The following ZNF189 variants were observed in gnomAD, a reference collection of about 807,000 sequenced individuals.
The protein encoded by ZNF189 is zinc finger protein 189.
Under a neutral mutation model 53.5 loss-of-function variants are expected in ZNF189, and 33 were observed. That is an observed-to-expected ratio of 0.62 (90% CI 0.47 to 0.82). The LOEUF (loss-of-function observed/expected upper bound fraction) is 0.82, where lower values mean the gene tolerates loss of function less well. ZNF189 is among the 40% of genes least tolerant of loss of function. The probability of loss-of-function intolerance (pLI) is 0.00; values close to 1 mark genes in which losing one functional copy is unlikely to be tolerated. For synonymous variants in ZNF189, 247 were observed against 238.8 expected (o/e 1.03, Z -0.32); for missense variants, 711 against 753.9 (o/e 0.94, Z 0.67).
chr9:101,401,202 T>C (rs1830518399), intron 2 of ZNF189, among the ~76,000 whole-genome samples: 1 of 152,214 alleles, frequency 6.6e-6, no homozygotes, highest in Non-Finnish European at 1.5e-5. Flanking sequence ...TTTCTTCCAC[T>C]CTCCACTGGG....
chr9:101,399,872 A>G lies in ZNF189; in HGVS notation c.34-12A>G. 1 of 1,614,060 alleles carries G rather than the reference A, an allele frequency of 6.2e-7. No individual in the cohort carries two copies. The highest frequency in any genetic ancestry group is 8.5e-7 in the Non-Finnish European group (1 of 1,179,984). On this transcript the variant is annotated splice_polypyrimidine_tract_variant and intron_variant, in intron 1 of 2. Coordinates refer to ENST00000339664, the MANE Select transcript of ZNF189 (RefSeq NM_003452.4). ...ACAACAGGAACTGACTACAGAAATC[A>G]TACTATTTCAGGGGTTGCTGACATT...
chr9:101,404,912 A>G (rs1288682732), intron 2 of ZNF189, among the ~76,000 whole-genome samples: 3 of 152,272 alleles, frequency 2.0e-5, no homozygotes. Flanking sequence ...AAAAAAATAG[A>G]ACACCTGAAT....
chr9:101,407,895 G>A, intron 2 of ZNF189, 34 bp from the exon 3 acceptor site: 1 of 1,483,346 alleles, frequency 6.7e-7, no homozygotes, highest in Non-Finnish European at 8.9e-7. Context: ...CAAAGACCTT[G>A]GTTGATCTTT....
At position 101,399,190 on chromosome 9, in the gene ZNF189, G is replaced by C; in HGVS notation, c.33+1G>C. 6.3e-7 allele frequency: 1 copy of C among 1,593,270 alleles called. No individual in the cohort carries two copies. Among genetic ancestry groups the C allele is most frequent in the Non-Finnish European group, 8.6e-7 (1 of 1,163,260 alleles). On this transcript the variant is annotated splice_donor_variant, in intron 1 of 2. Transcript: ENST00000339664. LOFTEE classifies it high-confidence loss of function. ...CCCGAGCCCCCCGCCGGAGTCGAAG[G>C]TAAGTAAGCACCCCCCCGGGGATCC...
At chr9:101,400,299 G>A (rs56319160) in intron 2 of ZNF189, among the ~76,000 whole-genome samples, 4,842 of 152,060 alleles carry the variant, frequency 0.032, 267 homozygotes, top group African/African-American at 0.11. Flanking sequence ...TTCACTCTGC[G>A]TTCTGGAACC....
Position 101,404,784 on chromosome 9 carries a change from C to T in ZNF189, c.161-3145C>T, listed in dbSNP as rs377220480. On this transcript the variant is annotated intron_variant, in intron 2 of 2. Coordinates refer to ENST00000339664, the MANE Select transcript of ZNF189 (RefSeq NM_003452.4). ...CAACTAACATAACTGAACAAATATT[C>T]TGAAGAGACTGCCTTCTCACAAAGA... Among the ~76,000 whole-genome samples, 12 of 152,126 alleles carry T rather than the reference C, an allele frequency of 7.9e-5. No homozygotes were observed. In the East Asian group the frequency reaches 2.3e-3, roughly 29 times the overall value.
chr9:101,399,127 C>A lies in ZNF189; in HGVS notation c.-30C>A. The A allele has an allele frequency of 6.4e-7, 1 of 1,564,002 alleles. No individual in the cohort carries two copies. Among genetic ancestry groups the A allele is most frequent in the Non-Finnish European group, 8.8e-7 (1 of 1,135,550 alleles). On this transcript the variant is annotated 5_prime_UTR_variant, in exon 1 of 3. Coordinates refer to ENST00000339664, the MANE Select transcript of ZNF189 (RefSeq NM_003452.4). ...AGGCTCCTTTCCGTGAGGCCGCCCC[C>A]AATTCCTGCCCCTATTCTCTGCCTG...
Position 101,408,821 on chromosome 9 carries a change from A to G in ZNF189, c.1053A>G (p.Lys351=). Residue 351 remains lysine, a synonymous_variant, in exon 3 of 3, where the codon AAA becomes AAG. Coordinates refer to ENST00000339664, the MANE Select transcript of ZNF189 (RefSeq NM_003452.4). The part of the protein sequence containing the change: ...EKPFLCIECG[K]SFSRSSFLIE... The stretch of plus-strand genomic sequence containing the variant: ...CTTTTCTTTGTATTGAGTGTGGAAA[A>G]AGTTTCAGTCGGAGCTCATTCCTTA... 1 of 1,614,136 alleles carries G rather than the reference A, an allele frequency of 6.2e-7. No homozygotes were observed. The highest frequency in any genetic ancestry group is 8.5e-7 in the Non-Finnish European group (1 of 1,180,026).
intron 2 of ZNF189, among the ~76,000 whole-genome samples, chr9:101,404,189 C>T (rs1830633793): frequency 6.6e-6 from 1 of 152,182 alleles, no homozygotes; most frequent in Non-Finnish European, 1.5e-5. Context: ...TTTTTTTCAC[C>T]TGCCTATCCT....
Position 101,409,645 on chromosome 9 carries a change from A to G in ZNF189, c.1877A>G (p.Gln626Arg). Residue 626 changes from glutamine to arginine, a missense_variant, in exon 3 of 3, where the codon CAA becomes CGA. Physicochemically the swap from Gln to Arg is conservative, Grantham distance 43. Transcript: ENST00000339664. The part of the protein sequence containing the change: ...QHQKLHTAWM[Q>R] ...CAGAAATTGCACACAGCATGGATGC[A>G]ATAAATGTAGAGCAATACATAAGCT... The G allele has an allele frequency of 1.9e-6, 3 of 1,603,086 alleles. No homozygotes were observed. The highest frequency in any genetic ancestry group is 2.2e-5 in the East Asian group (1 of 44,844).
Position 101,401,964 on chromosome 9 carries a change from G to A in ZNF189, c.160+1954G>A, listed in dbSNP as rs574237962. On this transcript the variant is annotated intron_variant, in intron 2 of 2. Coordinates refer to ENST00000339664, the MANE Select transcript of ZNF189 (RefSeq NM_003452.4). Reference sequence around the variant, plus strand: ...TAGCCTCATTCTGTTGCCCAGGCTGGAGTGCAGTGGTGCAATCTCAGCTCA... The same window carrying A: ...TAGCCTCATTCTGTTGCCCAGGCTGAAGTGCAGTGGTGCAATCTCAGCTCA... Among the ~76,000 whole-genome samples the A allele has an allele frequency of 5.9e-5, 9 of 152,080 alleles. No homozygotes were observed. In the South Asian group the frequency reaches 1.9e-3, roughly 32 times the overall value.
Position 101,409,520 on chromosome 9 carries a change from C to T in ZNF189, c.1752C>T (p.Val584=), listed in dbSNP as rs1442096073. The change falls in exon 3 of 3, where the codon GTC becomes GTT. Residue 584 remains valine, a synonymous_variant. Coordinates refer to ENST00000339664, the MANE Select transcript of ZNF189 (RefSeq NM_003452.4). The part of the protein sequence containing the change: ...DKSFSQQRSL[V]NHQKIHAEVK... ...GTTTCAGTCAACAGCGCAGTCTTGT[C>T]AACCATCAGAAGATCCATGCAGAGG... is the stretch of plus-strand genomic sequence containing the variant. 1 of 1,613,932 alleles carries T rather than the reference C, an allele frequency of 6.2e-7. No individual in the cohort carries two copies. The highest frequency in any genetic ancestry group is 2.2e-5 in the East Asian group (1 of 44,890).
chr9:101,408,599 G>A lies in ZNF189; in HGVS notation c.831G>A (p.Glu277=), dbSNP rs930098995. 1.2e-6 allele frequency: 2 copies of A among 1,613,466 alleles called. No individual in the cohort carries two copies. Among genetic ancestry groups the A allele is most frequent in the African/African-American group, 2.7e-5 (2 of 74,716 alleles). ...KAFSWKSHLI[E]HQRTHTGEKP... ...TCAGTTGGAAATCACACCTTATTGA[G>A]CATCAAAGAACTCACACTGGTGAGA... is the stretch of plus-strand genomic sequence containing the variant. Residue 277 remains glutamate (E), a synonymous_variant, in exon 3 of 3, where the codon GAG becomes GAA. Transcript: ENST00000339664.
intron 2 of ZNF189, 30 bp from the exon 3 acceptor site, chr9:101,407,899 G>A: frequency 6.7e-7 from 1 of 1,488,720 alleles, no homozygotes; most frequent in Non-Finnish European, 8.9e-7. Flanking sequence ...GACCTTGGTT[G>A]ATCTTTGTAT....
Position 101,408,635 on chromosome 9 carries a change from C to T in ZNF189, c.867C>T (p.His289=). 1 of 1,613,674 alleles carries T rather than the reference C, an allele frequency of 6.2e-7. No homozygotes were observed. The highest frequency in any genetic ancestry group is 2.2e-5 in the East Asian group (1 of 44,786). The change falls in exon 3 of 3, where the codon CAC becomes CAT. Residue 289 remains histidine, a synonymous_variant. Coordinates refer to ENST00000339664, the MANE Select transcript of ZNF189 (RefSeq NM_003452.4). ...QRTHTGEKPY[H]CTKCKKSFSR... ...CTCACACTGGTGAGAAACCTTATCACTGTACCAAATGTAAGAAGAGCTTTA... is the reference window on the plus strand; with the variant it reads ...CTCACACTGGTGAGAAACCTTATCATTGTACCAAATGTAAGAAGAGCTTTA...
At chr9:101,399,748 G>A in intron 1 of ZNF189, 136 bp from the exon 2 acceptor site, 4 of 1,414,912 alleles carry the variant, frequency 2.8e-6, no homozygotes, top group Non-Finnish European at 3.9e-6. Context: ...CCCAGAATTG[G>A]GCAACATATG....
Position 101,409,167 on chromosome 9 carries a change from G to A in ZNF189, c.1399G>A (p.Val467Ile). 6.2e-7 allele frequency: 1 copy of A among 1,614,058 alleles called. No homozygotes were observed. The highest frequency in any genetic ancestry group is 8.5e-7 in the Non-Finnish European group (1 of 1,180,004). ...TGATGAATGTGGGAAAACTTTTAGT[G>A]TTAGTGCTCATCTTGTACAACATCA... ...KCDECGKTFSVSAHLVQHQRI... is the reference protein window; with the variant it reads ...KCDECGKTFSISAHLVQHQRI... Residue 467 changes from valine (V) to isoleucine (I), a missense_variant, in exon 3 of 3, where the codon GTT becomes ATT. Physicochemically the swap from Val to Ile is conservative, Grantham distance 29. Coordinates refer to ENST00000339664, the MANE Select transcript of ZNF189 (RefSeq NM_003452.4).
At chr9:101,399,695 T>G (rs1830458100) in intron 1 of ZNF189, among the ~76,000 whole-genome samples, 189 bp from the exon 2 acceptor site, 1 of 152,184 alleles carries the variant, frequency 6.6e-6, no homozygotes, top group African/African-American at 2.4e-5. Flanking sequence ...GCCTTATCCG[T>G]AGGTCCTTTC....
At chr9:101,407,450 AAC>A (rs1000658529) in intron 2 of ZNF189, 8 of 398,858 alleles carry the variant, frequency 2.0e-5, no homozygotes, top group African/African-American at 1.2e-4. Flanking sequence ...CAGCGACGCA[AAC>A]ACAGCTTGCT....
Sources: allele counts gnomAD v4.1 joint callset (sites outside exome capture counted in the v4.1 genomes callset), GRCh38; gene constraint gnomAD v4.1.1; transcripts MANE v1.5; gene names NCBI Gene and HGNC (gene_info 2026-07-23, HGNC 2026-07-21).